The following ERBB3 variants were observed in gnomAD, a reference collection of about 807,000 sequenced individuals.
The protein encoded by ERBB3 is receptor tyrosine-protein kinase erbB-3.
A neutral mutation model predicts 156.7 loss-of-function variants in ERBB3; 96 were observed. That is an observed-to-expected ratio of 0.61 (90% CI 0.52 to 0.73). The LOEUF (loss-of-function observed/expected upper bound fraction) is 0.73, where lower values mean the gene tolerates loss of function less well. ERBB3 is among the 30% of genes least tolerant of loss of function. ERBB3 has a pLI of 0.00. For missense variants in ERBB3, 1,406 were observed against 1,709.4 expected (o/e 0.82, Z 3.13); for synonymous variants, 567 against 632.0 (o/e 0.90, Z 1.54).
intron 24 of ERBB3, 27 bp from the exon 25 acceptor site, chr12:56,099,811 C>T (rs2136825245): frequency 1.2e-6 from 2 of 1,613,156 alleles, no homozygotes; most frequent in Non-Finnish European, 1.7e-6. Flanking sequence ...AACCAGGATT[C>T]CCCCTAACAA....
In ERBB3 at chr12:56,098,589, G is replaced by C; in HGVS notation, c.2692+14G>C. ...TCTGGAGCTATGGTCAGTGCATCTGGATGCCCTCTCTACCATCACTGGCCC... is the reference window on the plus strand; with the variant it reads ...TCTGGAGCTATGGTCAGTGCATCTGCATGCCCTCTCTACCATCACTGGCCC... On this transcript the variant is annotated intron_variant, in intron 22 of 27. Transcript: ENST00000267101. 6.2e-7 allele frequency: 1 copy of C among 1,610,416 alleles called. No individual in the cohort carries two copies. Among genetic ancestry groups the C allele is most frequent in the Non-Finnish European group, 8.5e-7 (1 of 1,176,616 alleles).
intron 20 of ERBB3, 24 bp from the exon 21 acceptor site, chr12:56,097,761 T>C (rs751682254): frequency 6.2e-7 from 1 of 1,610,988 alleles, no homozygotes; most frequent in Non-Finnish European, 8.5e-7. Context: ...ACCTTAAGAA[T>C]ACTTTCTTCC....
chr12:56,091,297 A>ATAT (rs1565858524), intron 9 of ERBB3, among the ~76,000 whole-genome samples: 74 of 53,398 alleles, frequency 1.4e-3, no homozygotes, highest in Non-Finnish European at 2.4e-3. Flanking sequence ...TATATATATA[A>ATAT]ATAATATATA....
rs372688193 is a variant in ERBB3, at chr12:56,096,730, C to T, written c.2176-18C>T. The T allele has an allele frequency of 6.2e-6, 10 of 1,612,872 alleles. No individual in the cohort carries two copies. Among genetic ancestry groups the T allele is most frequent in the Non-Finnish European group, 6.8e-6 (8 of 1,178,880 alleles). On this transcript the variant is annotated intron_variant, in intron 18 of 27. Coordinates refer to ENST00000267101, the MANE Select transcript of ERBB3 (RefSeq NM_001982.4). ...AGGGAGAATGACCTTATGCCAACTC[C>T]TGCCCCAAACTTCCCAGGGAGTGTG...
Position 56,097,860 on chromosome 12 carries a change from A to G in ERBB3, c.2536A>G (p.Ser846Gly), listed in dbSNP as rs764554418. 6.2e-7 allele frequency: 1 copy of G among 1,614,008 alleles called. No homozygotes were observed. Among genetic ancestry groups the G allele is most frequent in the East Asian group, 2.2e-5 (1 of 44,878 alleles). ...AARNVLLKSPSQVQVADFGVA... is the reference protein window; with the variant it reads ...AARNVLLKSPGQVQVADFGVA... ...CCGAAACGTGCTACTCAAGTCACCC[A>G]GTCAGGTTCAGGTGGCAGATTTTGG... The change falls in exon 21 of 28, where the codon AGT (serine) becomes GGT (glycine). Residue 846 changes from serine (S) to glycine (G), a missense_variant. Physicochemically the swap from Ser to Gly is moderately conservative, Grantham distance 56. This residue lies in a region of ERBB3 where 979 missense variants were observed against 1,219.6 expected (regional missense o/e 0.80). Transcript: ENST00000267101.
chr12:56,098,389 G>A (rs1868967309), intron 21 of ERBB3, 111 bp from the exon 22 acceptor site: 1 of 836,312 alleles, frequency 1.2e-6, no homozygotes, highest in Non-Finnish European at 2.0e-6. Context: ...TCCAGTCTGG[G>A]CGACAGAGCG....
chr12:56,084,437 G>A (rs749723813), intron 2 of ERBB3, among the ~76,000 whole-genome samples: 10 of 151,662 alleles, frequency 6.6e-5, no homozygotes, highest in African/African-American at 1.5e-4. Context: ...GTGGTGAAAC[G>A]CTGTCTCTAC....
intron 25 of ERBB3, 55 bp from the exon 26 acceptor site, chr12:56,100,119 G>T: frequency 1.9e-6 from 3 of 1,594,040 alleles, no homozygotes; most frequent in African/African-American, 1.3e-5. Flanking sequence ...AGGCCCCCAT[G>T]GTGAATGTAG....
chr12:56,098,117 G>C (rs1052329706), intron 21 of ERBB3, 177 bp downstream of exon 21: 2 of 673,044 alleles, frequency 3.0e-6, no homozygotes. Flanking sequence ...TCAAGAACTT[G>C]GGACTGGCCG....
intron 17 of ERBB3, 54 bp from the exon 18 acceptor site, chr12:56,096,449 A>G (rs1251892944): frequency 1.9e-6 from 3 of 1,611,312 alleles, no homozygotes; most frequent in Admixed American, 3.3e-5. Flanking sequence ...AGCGGGTTGG[A>G]GTGGGACATG....
intron 17 of ERBB3, 24 bp downstream of exon 17, chr12:56,095,830 TTTTTC>T (rs1473140852): frequency 1.2e-6 from 2 of 1,613,846 alleles, no homozygotes; most frequent in African/African-American, 1.3e-5. Context: ...TTACTTTTGT[TTTTTC>T]TTTTCTTTTT....
In ERBB3 at chr12:56,086,517, T is replaced by C. The variant is rs1868491994; in HGVS notation, c.422-14T>C. 2 of 1,614,038 alleles carry C rather than the reference T, an allele frequency of 1.2e-6. No individual in the cohort carries two copies. The highest frequency in any genetic ancestry group is 1.7e-6 in the Non-Finnish European group (2 of 1,179,938). The stretch of plus-strand genomic sequence containing the variant: ...CTGCGGCCCTTAACCCTGTCACTTC[T>C]TTCCCTACCTCAGAGATTCTGTCAG... On this transcript the variant is annotated splice_polypyrimidine_tract_variant and intron_variant, in intron 3 of 27. Transcript: ENST00000267101.
intron 15 of ERBB3, among the ~76,000 whole-genome samples, 169 bp from the exon 16 acceptor site, chr12:56,095,088 C>T (rs1868846745): frequency 1.3e-5 from 2 of 152,128 alleles, no homozygotes; most frequent in South Asian, 4.1e-4. Context: ...AGAAGAGGGG[C>T]TTGGGGAGAG....
chr12:56,093,013 C>A lies in ERBB3; in HGVS notation c.1211C>A (p.Pro404His). ...TGYLNIQSWP[P>H]HMHNFSVFSN... is the part of the protein sequence containing the mutation. ...TACCTGAACATCCAGTCCTGGCCGC[C>A]CCACATGCACAACTTCAGTGTTTTT... The change falls in exon 11 of 28, where the codon CCC becomes CAC. Residue 404 changes from proline (P) to histidine (H), a missense_variant. Physicochemically the swap from Pro to His is moderately conservative, Grantham distance 77. Around this residue, in one of 3 missense-constraint regions of ERBB3, gnomAD observed 979 missense variants for 1,219.6 expected, o/e 0.80. Transcript: ENST00000267101. 1 of 1,614,150 alleles carries A rather than the reference C, an allele frequency of 6.2e-7. No homozygotes were observed. The highest frequency in any genetic ancestry group is 8.5e-7 in the Non-Finnish European group (1 of 1,180,020).
chr12:56,086,501 T>C lies in ERBB3; in HGVS notation c.422-30T>C, dbSNP rs113267229. On this transcript the variant is annotated intron_variant, in intron 3 of 27. Coordinates refer to ENST00000267101, the MANE Select transcript of ERBB3 (RefSeq NM_001982.4). The stretch of plus-strand genomic sequence containing the variant: ...AGGAAGAGGCGTTCCGCTGCGGCCC[T>C]TAACCCTGTCACTTCTTTCCCTACC... The C allele has an allele frequency of 5.3e-5, 85 of 1,613,764 alleles. 2 individuals carry two copies. The African/African-American group carries it at 9.6e-4, about 18-fold the overall frequency.
At chr12:56,092,088 T>TAAA (rs778531663) in intron 9 of ERBB3, among the ~76,000 whole-genome samples, 5 of 111,818 alleles carry the variant, frequency 4.5e-5, no homozygotes, top group Non-Finnish European at 5.6e-5. Flanking sequence ...CCCTGTCTCT[T>TAAA]AAAAAAAAAA....
At chr12:56,087,290 T>C (rs1032697573) in intron 4 of ERBB3, among the ~76,000 whole-genome samples, 2 of 152,134 alleles carry the variant, frequency 1.3e-5, no homozygotes, top group African/African-American at 4.8e-5. Flanking sequence ...ATATATTCAG[T>C]TTGCCCAGGA....
chr12:56,102,512 A>G lies in ERBB3; in HGVS notation c.*457A>G, dbSNP rs1037672420. On this transcript the variant is annotated 3_prime_UTR_variant, in exon 28 of 28. Coordinates refer to ENST00000267101, the MANE Select transcript of ERBB3 (RefSeq NM_001982.4). ...ACTCTTAACCCCCTAGAAAGACAGA[A>G]GCTTAAAATCTGTGAAGAAAGAGGT... 1.6e-5 allele frequency: 4 copies of G among 245,278 alleles called. No individual in the cohort carries two copies. Among genetic ancestry groups the G allele is most frequent in the African/African-American group, 8.8e-5 (4 of 45,490 alleles). 15.2% of individuals were successfully genotyped at this position (245,278 alleles called of 1,614,324 possible). A position where few individuals can be genotyped will look rare whatever the true frequency, so the allele number is the denominator to read the frequency against.
At position 56,101,577 on chromosome 12, in the gene ERBB3, C is replaced by T. The variant is rs2136830073; in HGVS notation, c.3551C>T (p.Ser1184Phe). The change falls in exon 28 of 28, where the codon TCT becomes TTT. Residue 1184 changes from serine (S) to phenylalanine (F), a missense_variant. Physicochemically the swap from Ser to Phe is radical, Grantham distance 155. This residue lies in a region of ERBB3 where 415 missense variants were observed against 454.1 expected (regional missense o/e 0.91). Transcript: ENST00000267101. ...EGTLSSVGLS[S>F]VLGTEEEDED... is the part of the protein sequence containing the mutation. ...ACCCTTTCTTCAGTGGGTCTCAGTT[C>T]TGTCCTGGGTACTGAAGAAGAAGAT... 1 of 1,614,104 alleles carries T rather than the reference C, an allele frequency of 6.2e-7. No homozygotes were observed. Among genetic ancestry groups the T allele is most frequent in the Non-Finnish European group, 8.5e-7 (1 of 1,180,010 alleles).
Sources: allele counts gnomAD v4.1 joint callset (sites outside exome capture counted in the v4.1 genomes callset), GRCh38; gene constraint gnomAD v4.1.1; regional missense constraint gnomAD v4.1.1; transcripts MANE v1.5; gene names NCBI Gene and HGNC (gene_info 2026-07-23, HGNC 2026-07-21).